Variants in KIRREL3 observed in about 807,000 individuals in gnomAD.
KIRREL3 encodes kin of IRRE-like protein 3.
In KIRREL3, 36 loss-of-function variants were observed where a neutral mutation model predicts 89.7. That is an observed-to-expected ratio of 0.40 (90% confidence interval 0.31 to 0.53). The LOEUF is 0.53. Ranked by LOEUF, KIRREL3 falls within the 20% of genes least tolerant of loss-of-function variation. The probability of loss-of-function intolerance (pLI) is 0.49; values close to 1 mark genes in which losing one functional copy is unlikely to be tolerated. For synonymous variants in KIRREL3, 445 were observed against 441.4 expected, an observed-to-expected ratio of 1.01 and a Z score of -0.10; for missense variants, 864 against 1,056.6, an observed-to-expected ratio of 0.82 and a Z score of 2.53.
chr11:126,700,466 A>G (rs971158693), intron 1 of KIRREL3, among the ~76,000 whole-genome samples: 1 of 152,216 alleles, frequency 6.6e-6, no homozygotes, highest in African/African-American at 2.4e-5. Context: ...CAATTATTAG[A>G]TTGGTGCAAA....
rs908795703 is a variant in KIRREL3 at position 126,697,434 on chromosome 11, T to C, written c.56-134522A>G. Among the ~76,000 whole-genome samples the C allele has an allele frequency of 1.3e-5, 2 of 152,172 alleles. No homozygotes were observed. Among genetic ancestry groups the C allele is most frequent in the African/African-American group, 4.8e-5 (2 of 41,440 alleles). On this transcript the variant is annotated intron_variant, in intron 1 of 16. Coordinates refer to ENST00000525144, the MANE Select transcript of KIRREL3 (RefSeq NM_032531.4). This position sits in a 1 kb window ranked among gnomAD's most constrained non-coding sequence, Gnocchi z 4.2. ...AATAGTTCCCAGTTGCCAAAGCTTTTCCCACAGACCCTGACTCAGAGGAGA... is the reference window on the plus strand; with the variant it reads ...AATAGTTCCCAGTTGCCAAAGCTTTCCCCACAGACCCTGACTCAGAGGAGA...
intron 7 of KIRREL3, among the ~76,000 whole-genome samples, chr11:126,450,004 C>T (rs556197097): frequency 2.0e-5 from 3 of 152,334 alleles, no homozygotes; most frequent in East Asian, 1.9e-4. Flanking sequence ...GTCGGCCAAT[C>T]GGTACCACAC....
At chr11:126,799,948 TG>T (rs1950979899) in intron 1 of KIRREL3, among the ~76,000 whole-genome samples, 1 of 152,166 alleles carries the variant, frequency 6.6e-6, no homozygotes, top group South Asian at 2.1e-4. Flanking sequence ...CAACTCCAGC[TG>T]CTGTAGAATC....
intron 2 of KIRREL3, among the ~76,000 whole-genome samples, chr11:126,532,132 G>A (rs1958962246): frequency 6.6e-6 from 1 of 152,184 alleles, no homozygotes; most frequent in African/African-American, 2.4e-5. Context: ...ATGCAGATTA[G>A]CTGTAATTAA....
intron 1 of KIRREL3, among the ~76,000 whole-genome samples, chr11:126,781,493 A>G (rs533314141): frequency 1.3e-5 from 2 of 152,308 alleles, no homozygotes; most frequent in Admixed American, 6.5e-5. Context: ...ATTTTGTTTC[A>G]TGCTCCCTCC....
chr11:126,485,682 G>C lies in KIRREL3; in HGVS notation c.434-12216C>G, dbSNP rs1043248126. On this transcript the variant is annotated intron_variant, in intron 4 of 16. Transcript: ENST00000525144. The surrounding 1 kb of genome is among the most constrained non-coding windows in gnomAD (Gnocchi z 5.8). Reference sequence around the variant, plus strand: ...TAATAAGTAACTCCACATGGGGGCAGAGTAGCATATTGCATGTGAAATGGG... The same window carrying C: ...TAATAAGTAACTCCACATGGGGGCACAGTAGCATATTGCATGTGAAATGGG... Among the ~76,000 whole-genome samples the C allele has an allele frequency of 6.6e-6, 1 of 152,236 alleles. No homozygotes were observed. Among genetic ancestry groups the C allele is most frequent in the African/African-American group, 2.4e-5 (1 of 41,454 alleles).
At position 126,991,398 on chromosome 11, in the gene KIRREL3, A is replaced by G. The variant is rs1031336380; in HGVS notation, c.55+9057T>C. On this transcript the variant is annotated intron_variant, in intron 1 of 16. Coordinates refer to ENST00000525144, the MANE Select transcript of KIRREL3 (RefSeq NM_032531.4). The surrounding 1 kb of genome is among the most constrained non-coding windows in gnomAD (Gnocchi z 5.8). ...TGTGCCCAATAGTGTGCTAGACACC[A>G]GGGGTGATAAAAGACTTGGATTTTA... Among the ~76,000 whole-genome samples the G allele has an allele frequency of 2.0e-5, 3 of 152,268 alleles. No individual in the cohort carries two copies. The Middle Eastern group carries it at 0.01, about 518-fold the overall frequency.
Position 126,953,552 on chromosome 11 carries a change from C to T in KIRREL3, c.55+46903G>A, listed in dbSNP as rs2135154752. On this transcript the variant is annotated intron_variant, in intron 1 of 16. Transcript: ENST00000525144. This position sits in a 1 kb window ranked among gnomAD's most constrained non-coding sequence, Gnocchi z 5.2. ...GTGCTGATAGTTCCAAAGAGAAGAG[C>T]CTGCAAAAAAGATCATGGATGCAAA... 6.6e-6 allele frequency among the ~76,000 whole-genome samples: 1 copy of T among 151,890 alleles called. No homozygotes were observed. Among genetic ancestry groups the T allele is most frequent in the South Asian group, 2.1e-4 (1 of 4,796 alleles).
At chr11:126,849,890 T>C (rs1309274467) in intron 1 of KIRREL3, among the ~76,000 whole-genome samples, 1 of 151,972 alleles carries the variant, frequency 6.6e-6, no homozygotes, top group Admixed American at 6.6e-5. Flanking sequence ...ACTGACAGAA[T>C]ACCAGCAGCC....
rs1946683306 is a variant in KIRREL3 at position 126,686,823 on chromosome 11, C to T, written c.56-123911G>A. Among the ~76,000 whole-genome samples, 1 of 152,198 alleles carries T rather than the reference C, an allele frequency of 6.6e-6. No individual in the cohort carries two copies. The highest frequency in any genetic ancestry group is 1.5e-5 in the Non-Finnish European group (1 of 68,042). ...CGAACTCCTGACCTCAAGTGATTCACCCACCTTGGCCTCCCAAAGTGCCAG... is the reference window on the plus strand; with the variant it reads ...CGAACTCCTGACCTCAAGTGATTCATCCACCTTGGCCTCCCAAAGTGCCAG... On this transcript the variant is annotated intron_variant, in intron 1 of 16. Coordinates refer to ENST00000525144, the MANE Select transcript of KIRREL3 (RefSeq NM_032531.4). The surrounding 1 kb of genome is among the most constrained non-coding windows in gnomAD (Gnocchi z 4.7).
Position 126,440,495 on chromosome 11 carries a change from C to T in KIRREL3, c.1307G>A (p.Gly436Asp), listed in dbSNP as rs1299475938. The T allele has an allele frequency of 1.9e-6, 3 of 1,601,412 alleles. No homozygotes were observed. Among genetic ancestry groups the T allele is most frequent in the Non-Finnish European group, 1.7e-6 (2 of 1,174,538 alleles). ...GCTCCGGATGAAGCACTTGATCTGG[C>T]CCTTCTCGCCGTGGAGGGCGTGCTG... ...QTQHALHGEK[G>D]QIKCFIRSTP... is the part of the protein sequence containing the mutation. Residue 436 changes from glycine to aspartate, a missense_variant, in exon 11 of 17, where the codon GGC (glycine) becomes GAC (aspartate). By Grantham distance (94) the Gly-to-Asp change is moderately conservative. Coordinates refer to ENST00000525144, the MANE Select transcript of KIRREL3 (RefSeq NM_032531.4).
chr11:126,447,270 T>G (rs1032750092), intron 8 of KIRREL3, among the ~76,000 whole-genome samples: 2 of 146,668 alleles, frequency 1.4e-5, no homozygotes, highest in African/African-American at 4.8e-5. Context: ...TCCATCCCAG[T>G]GGCGGGCAGG....
At position 126,535,993 on chromosome 11, in the gene KIRREL3, A is replaced by C. The variant is rs1252862815; in HGVS notation, c.134-9306T>G. ...GAGTGAGACTCCATCACAAAAAAAA[A>C]GATTTTGGTTGAATGAATTTTTCTA... On this transcript the variant is annotated intron_variant, in intron 2 of 16. Coordinates refer to ENST00000525144, the MANE Select transcript of KIRREL3 (RefSeq NM_032531.4). The surrounding 1 kb of genome is among the most constrained non-coding windows in gnomAD (Gnocchi z 4.5). 6.6e-6 allele frequency among the ~76,000 whole-genome samples: 1 copy of C among 151,504 alleles called. No individual in the cohort carries two copies. Among genetic ancestry groups the C allele is most frequent in the African/African-American group, 2.4e-5 (1 of 41,132 alleles).
At chr11:126,875,101 G>GC (rs1310042399) in intron 1 of KIRREL3, among the ~76,000 whole-genome samples, 2 of 152,150 alleles carry the variant, frequency 1.3e-5, no homozygotes, top group African/African-American at 4.8e-5. Context: ...TTTAGAGGTG[G>GC]CAAGTGTATA....
chr11:126,429,452 G>A lies in KIRREL3; in HGVS notation c.1697-164C>T, dbSNP rs954553054. ...CCCCCCACCAATAGAACCTCCATATGGAGATGCTGTGGGTGTTTGGGCCTC... is the reference window on the plus strand; with the variant it reads ...CCCCCCACCAATAGAACCTCCATATAGAGATGCTGTGGGTGTTTGGGCCTC... On this transcript the variant is annotated intron_variant, in intron 14 of 16. Coordinates refer to ENST00000525144, the MANE Select transcript of KIRREL3 (RefSeq NM_032531.4). The surrounding 1 kb of genome is among the most constrained non-coding windows in gnomAD (Gnocchi z 5.2). Among the ~76,000 whole-genome samples the A allele has an allele frequency of 6.6e-5, 10 of 152,110 alleles. No individual in the cohort carries two copies. The highest frequency in any genetic ancestry group is 2.2e-4 in the African/African-American group (9 of 41,430).
At chr11:126,440,935 G>C (rs1955540379) in intron 10 of KIRREL3, 2 of 260,092 alleles carry the variant, frequency 7.7e-6, no homozygotes, top group South Asian at 8.7e-5. Flanking sequence ...AGGGGGTGGG[G>C]AGGTGTCTAG....
chr11:126,956,218 C>T (rs1246252915), intron 1 of KIRREL3, among the ~76,000 whole-genome samples: 2 of 152,206 alleles, frequency 1.3e-5, no homozygotes, highest in Non-Finnish European at 2.9e-5. Context: ...AGGCATCGAG[C>T]CGTGCATGGG....
chr11:126,724,736 A>T lies in KIRREL3; in HGVS notation c.56-161824T>A, dbSNP rs1432875691. Among the ~76,000 whole-genome samples the T allele has an allele frequency of 1.3e-5, 2 of 152,166 alleles. No individual in the cohort carries two copies. Among genetic ancestry groups the T allele is most frequent in the African/African-American group, 4.8e-5 (2 of 41,434 alleles). Reference sequence around the variant, plus strand: ...GCTGAGATTGGGAAGCAAGACTGAGACCTGCTTATGGGCCAAGGGTTCTTA... The same window carrying T: ...GCTGAGATTGGGAAGCAAGACTGAGTCCTGCTTATGGGCCAAGGGTTCTTA... On this transcript the variant is annotated intron_variant, in intron 1 of 16. Transcript: ENST00000525144. This position sits in a 1 kb window ranked among gnomAD's most constrained non-coding sequence, Gnocchi z 4.3.
chr11:126,451,440 G>T (rs1454214006), intron 7 of KIRREL3, among the ~76,000 whole-genome samples: 2 of 150,666 alleles, frequency 1.3e-5, no homozygotes, highest in East Asian at 3.9e-4. Flanking sequence ...GTGCATGTGT[G>T]TGTCCAAGTG....
Sources: allele counts gnomAD v4.1 joint callset (sites outside exome capture counted in the v4.1 genomes callset), GRCh38; gene constraint gnomAD v4.1.1; non-coding constraint Gnocchi (gnomAD v3.1); transcripts MANE v1.5; gene names NCBI Gene and HGNC (gene_info 2026-07-23, HGNC 2026-07-21).